The following NADSYN1 variants were observed in gnomAD, a reference collection of about 807,000 sequenced individuals.
NADSYN1 encodes the protein glutamine-dependent NAD(+) synthetase.
In NADSYN1, 80 loss-of-function variants were observed where a neutral mutation model predicts 99.3. The observed-to-expected ratio is 0.81, with a 90% CI of 0.67 to 0.97. The LOEUF is 0.97. Among genes scored for constraint, NADSYN1 ranks in the 50% least tolerant of loss-of-function variants. The probability of loss-of-function intolerance (pLI) is 0.00; values close to 1 mark genes in which losing one functional copy is unlikely to be tolerated. For synonymous variants in NADSYN1, 385 were observed against 372.1 expected, an observed-to-expected ratio of 1.03 and a Z score of -0.40; for missense variants, 859 against 948.5, an observed-to-expected ratio of 0.91 and a Z score of 1.24.
chr11:71,500,530 C>T (rs550382723), intron 20 of NADSYN1, among the ~76,000 whole-genome samples: 4 of 152,316 alleles, frequency 2.6e-5, no homozygotes, highest in Admixed American at 2.6e-4. Context: ...CCCAACCCCA[C>T]ACCCAGCAGA....
chr11:71,458,813 A>G, intron 3 of NADSYN1: 1 of 370,850 alleles, frequency 2.7e-6, no homozygotes, highest in Admixed American at 4.2e-5. Flanking sequence ...ACAAAGGGGA[A>G]TGCAGCATTC....
At position 71,473,552 on chromosome 11, in the gene NADSYN1, C is replaced by T. The variant is rs772153966; in HGVS notation, c.549-17C>T. 2 of 1,602,698 alleles carry T rather than the reference C, an allele frequency of 1.2e-6. No individual in the cohort carries two copies. Among genetic ancestry groups the T allele is most frequent in the Non-Finnish European group, 1.7e-6 (2 of 1,172,148 alleles). ...GGAGTCTGGTGGCCTGTTCTCTTCA[C>T]CTGCCTCTGCCTGCAGCCCGCACAT... On this transcript the variant is annotated splice_polypyrimidine_tract_variant and intron_variant, in intron 7 of 20. Transcript: ENST00000319023.
At chr11:71,489,596 C>T (rs1461061443) in intron 16 of NADSYN1, among the ~76,000 whole-genome samples, 2 of 152,214 alleles carry the variant, frequency 1.3e-5, no homozygotes, top group East Asian at 1.9e-4. Context: ...CCATCTGGCC[C>T]GTATCCCAGC....
At chr11:71,489,052 A>C (rs1036992883) in intron 16 of NADSYN1, among the ~76,000 whole-genome samples, 2 of 152,014 alleles carry the variant, frequency 1.3e-5, no homozygotes, top group East Asian at 1.9e-4. Flanking sequence ...AGAAGGTTCC[A>C]GAGAGAGCAG....
chr11:71,491,995 A>C, intron 18 of NADSYN1, 92 bp downstream of exon 18: 1 of 1,221,112 alleles, frequency 8.2e-7, no homozygotes, highest in African/African-American at 1.5e-5. Context: ...TCCTGACCCC[A>C]GGACAGCTGC....
At chr11:71,460,542 A>G (rs1209229396) in intron 3 of NADSYN1, among the ~76,000 whole-genome samples, 1 of 151,946 alleles carries the variant, frequency 6.6e-6, no homozygotes, top group Non-Finnish European at 1.5e-5. Flanking sequence ...TTTCATAGAG[A>G]CAGGGTCTCG....
chr11:71,467,313 G>C (rs565887796), intron 5 of NADSYN1, among the ~76,000 whole-genome samples: 1 of 152,134 alleles, frequency 6.6e-6, no homozygotes, highest in African/African-American at 2.4e-5. Context: ...GCAAACAGAC[G>C]TCTCTCTGGA....
chr11:71,475,848 T>A (rs1403822060), intron 9 of NADSYN1, among the ~76,000 whole-genome samples: 1 of 152,154 alleles, frequency 6.6e-6, no homozygotes, highest in Non-Finnish European at 1.5e-5. Context: ...TAGCTGGGAC[T>A]ACAGACCCAT....
intron 5 of NADSYN1, among the ~76,000 whole-genome samples, chr11:71,465,826 AT>A (rs1413984411): frequency 3.3e-5 from 5 of 152,122 alleles, no homozygotes; most frequent in African/African-American, 9.7e-5. Flanking sequence ...TGCTTTTGTA[AT>A]TGACTACCTC....
intron 16 of NADSYN1, among the ~76,000 whole-genome samples, chr11:71,488,794 A>G (rs1269656230): frequency 2.6e-5 from 4 of 152,132 alleles, no homozygotes; most frequent in Non-Finnish European, 5.9e-5. Flanking sequence ...GACTGTAGGC[A>G]TGCACCACCA....
chr11:71,497,438 G>A (rs372061923), intron 18 of NADSYN1, 45 bp from the exon 19 acceptor site: 171 of 1,612,274 alleles, frequency 1.1e-4, no homozygotes, highest in Admixed American at 2.0e-4. Flanking sequence ...CTCTCCCCCC[G>A]CTGTGACTTG....
Position 71,464,150 on chromosome 11 carries a change from G to A in NADSYN1, c.407+8G>A, listed in dbSNP as rs376648485. On this transcript the variant is annotated splice_region_variant and intron_variant, in intron 5 of 20. Coordinates refer to ENST00000319023, the MANE Select transcript of NADSYN1 (RefSeq NM_018161.5). ...CCCGTGGTCGAGGAGTCGGTGAGTC[G>A]GGTGCCTGACCACTCCTGGGATGTG... is the stretch of plus-strand genomic sequence containing the variant. The A allele has an allele frequency of 8.1e-6, 13 of 1,599,634 alleles. No individual in the cohort carries two copies. Among genetic ancestry groups the A allele is most frequent in the South Asian group, 2.3e-5 (2 of 88,846 alleles).
intron 9 of NADSYN1, 63 bp downstream of exon 9, chr11:71,474,589 T>C (rs971779497): frequency 2.5e-6 from 4 of 1,606,850 alleles, no homozygotes; most frequent in Non-Finnish European, 8.5e-7. Flanking sequence ...AGCTCCTGGC[T>C]CTCCCCTGTA....
chr11:71,488,166 G>A (rs1179345330), intron 16 of NADSYN1, among the ~76,000 whole-genome samples: 1 of 152,134 alleles, frequency 6.6e-6, no homozygotes, highest in Non-Finnish European at 1.5e-5. Context: ...GGGCCTGTTG[G>A]ACACCTGTCC....
rs1381443123 is a variant in NADSYN1, at chr11:71,473,665, C to T, written c.645C>T (p.Leu215=). Reference sequence around the variant, plus strand: ...GCAAAGCCAACACCAGGGTGGATCTCGTGACTATGGTCACCAGCAAGGTAG... The same window carrying T: ...GCAAAGCCAACACCAGGGTGGATCTTGTGACTATGGTCACCAGCAAGGTAG... ...VLRKANTRVD[L]VTMVTSKNGG... Residue 215 remains leucine, a synonymous_variant, in exon 8 of 21, where the codon CTC becomes CTT. Transcript: ENST00000319023. 7.4e-6 allele frequency: 12 copies of T among 1,612,704 alleles called. No homozygotes were observed. Among genetic ancestry groups the T allele is most frequent in the Admixed American group, 6.7e-5 (4 of 60,008 alleles).
intron 10 of NADSYN1, chr11:71,479,188 T>G (rs943120212): frequency 6.6e-6 from 1 of 152,092 alleles, no homozygotes; most frequent in Non-Finnish European, 1.5e-5. Flanking sequence ...CAAGTGATCC[T>G]CCCACCTCAG....
At chr11:71,478,512 A>T (rs754776834) in intron 10 of NADSYN1, 43 bp downstream of exon 10, 102 of 1,546,170 alleles carry the variant, frequency 6.6e-5, no homozygotes, top group Non-Finnish European at 8.5e-5. Context: ...CTCATCAAAG[A>T]CGTGGAAAGT....
chr11:71,470,440 G>A (rs537129614), intron 5 of NADSYN1, among the ~76,000 whole-genome samples: 7 of 152,374 alleles, frequency 4.6e-5, no homozygotes, highest in East Asian at 1.9e-4. Flanking sequence ...AGGTCCAGGC[G>A]ATGCTCTGCT....
intron 1 of NADSYN1, among the ~76,000 whole-genome samples, chr11:71,454,601 AC>A (rs1949501141): frequency 6.6e-6 from 1 of 152,178 alleles, no homozygotes; most frequent in Non-Finnish European, 1.5e-5. Flanking sequence ...CTTGGCCAAA[AC>A]TAAGTTTCCA....
Sources: gnomAD v4.1 joint callset for allele counts (sites outside exome capture counted in the v4.1 genomes callset) on GRCh38, gnomAD v4.1.1 for gene constraint, MANE v1.5 for transcripts, NCBI Gene and HGNC (gene_info 2026-07-23, HGNC 2026-07-21) for gene names.